The following EPHA3 variants were observed in gnomAD, a reference collection of about 807,000 sequenced individuals.
EPHA3 encodes EPH receptor A3.
Under a neutral mutation model 107.1 loss-of-function variants are expected in EPHA3, and 42 were observed. That is an observed-to-expected ratio of 0.39 (90% CI 0.31 to 0.51). The LOEUF (loss-of-function observed/expected upper bound fraction) is 0.51. Among genes scored for constraint, EPHA3 ranks in the 20% least tolerant of loss-of-function variants. The pLI is 0.78. For synonymous variants in EPHA3, 461 were observed against 424.8 expected, an observed-to-expected ratio of 1.09 and a Z score of -1.05; for missense variants, 1,183 against 1,211.2, an observed-to-expected ratio of 0.98 and a Z score of 0.35.
intron 3 of EPHA3, among the ~76,000 whole-genome samples, chr3:89,303,310 TTCTG>T (rs1217904138): frequency 6.6e-6 from 1 of 151,848 alleles, no homozygotes; most frequent in Non-Finnish European, 1.5e-5. Flanking sequence ...AATTATTATT[TTCTG>T]TCTATTGTTC....
intron 5 of EPHA3, among the ~76,000 whole-genome samples, chr3:89,374,810 CAG>C (rs1293338876): frequency 6.6e-6 from 1 of 151,546 alleles, no homozygotes; most frequent in Non-Finnish European, 1.5e-5. Context: ...GAGCACATAA[CAG>C]AATAAAAAAC....
At chr3:89,128,649 T>C (rs1165448016) in intron 2 of EPHA3, among the ~76,000 whole-genome samples, 1 of 150,646 alleles carries the variant, frequency 6.6e-6, no homozygotes, top group Non-Finnish European at 1.5e-5. Context: ...TAGTATATGG[T>C]ATACTGTATA....
At chr3:89,186,111 T>C (rs1265510312) in intron 2 of EPHA3, among the ~76,000 whole-genome samples, 2 of 152,000 alleles carry the variant, frequency 1.3e-5, no homozygotes, top group Non-Finnish European at 2.9e-5. Context: ...GTCTACTGTT[T>C]GTTTCTAGAG....
At chr3:89,203,726 G>A (rs1033763625) in intron 2 of EPHA3, among the ~76,000 whole-genome samples, 1 of 152,000 alleles carries the variant, frequency 6.6e-6, no homozygotes, top group Non-Finnish European at 1.5e-5. Context: ...GCAGTGAGCC[G>A]AGATCGCGCC....
chr3:89,263,904 A>G (rs1015960441), intron 3 of EPHA3, among the ~76,000 whole-genome samples: 1 of 152,000 alleles, frequency 6.6e-6, no homozygotes, highest in Non-Finnish European at 1.5e-5. Context: ...ATTTCCAAGT[A>G]AGGTTACATT....
At chr3:89,135,604 G>T (rs1441133350) in intron 2 of EPHA3, among the ~76,000 whole-genome samples, 1 of 151,254 alleles carries the variant, frequency 6.6e-6, no homozygotes, top group African/African-American at 2.4e-5. Context: ...TCTTTTAATG[G>T]CATAAAATTA....
In EPHA3 at chr3:89,284,359, A is replaced by T. The variant is rs117442064; in HGVS notation, c.815-56557A>T. ...ACCATTTCTGGTGATGAGACTGCGGATAAACCAATCTAGAACATTCAGAAA... is the reference window on the plus strand; with the variant it reads ...ACCATTTCTGGTGATGAGACTGCGGTTAAACCAATCTAGAACATTCAGAAA... On this transcript the variant is annotated intron_variant, in intron 3 of 16. Transcript: ENST00000336596. Among the ~76,000 whole-genome samples, 4 of 152,296 alleles carry T rather than the reference A, an allele frequency of 2.6e-5. No individual in the cohort carries two copies. The East Asian group carries it at 5.8e-4, about 22-fold the overall frequency.
At chr3:89,314,206 A>G (rs534814588) in intron 3 of EPHA3, among the ~76,000 whole-genome samples, 2 of 152,020 alleles carry the variant, frequency 1.3e-5, no homozygotes, top group South Asian at 2.1e-4. Flanking sequence ...TTTAGTTGCT[A>G]TCTTCACCAT....
In EPHA3 at chr3:89,182,326, A is replaced by G. The variant is rs529329265; in HGVS notation, c.154-27534A>G. Among the ~76,000 whole-genome samples, 10 of 152,078 alleles carry G rather than the reference A, an allele frequency of 6.6e-5. No individual in the cohort carries two copies. In the South Asian group the frequency reaches 1.7e-3, roughly 25 times the overall value. On this transcript the variant is annotated intron_variant, in intron 2 of 16. Coordinates refer to ENST00000336596, the MANE Select transcript of EPHA3 (RefSeq NM_005233.6). ...GGGAATGTATAATTGCTAATGGTAT[A>G]GTCTGTACAGTACAGAAAATATGGC...
chr3:89,246,786 C>T (rs529068199), intron 3 of EPHA3, among the ~76,000 whole-genome samples: 1 of 152,270 alleles, frequency 6.6e-6, no homozygotes, highest in South Asian at 2.1e-4. Context: ...TCATTGCTAA[C>T]ATTTACATTA....
At position 89,399,396 on chromosome 3, in the gene EPHA3, A is replaced by G. The variant is rs867131534; in HGVS notation, c.1510A>G (p.Ile504Val). 5 of 1,614,010 alleles carry G rather than the reference A, an allele frequency of 3.1e-6. No individual in the cohort carries two copies. Among genetic ancestry groups the G allele is most frequent in the Admixed American group, 3.3e-5 (2 of 59,994 alleles). Reference protein sequence around the residue: ...VTISSLKPDTIYVFQIRARTA... With the variant: ...VTISSLKPDTVYVFQIRARTA... ...CATCAGTAGCCTCAAGCCTGACACT[A>G]TATACGTATTCCAAATCCGAGCCCG... Residue 504 changes from isoleucine to valine, a missense_variant, in exon 7 of 17, where the codon ATA becomes GTA. By Grantham distance (29) the Ile-to-Val change is conservative (BLOSUM62 3). Transcript: ENST00000336596.
chr3:89,341,989 A>G lies in EPHA3; in HGVS notation c.1205A>G (p.His402Arg), dbSNP rs1169851160. 3 of 1,613,374 alleles carry G rather than the reference A, an allele frequency of 1.9e-6. No homozygotes were observed. Among genetic ancestry groups the G allele is most frequent in the South Asian group, 1.1e-5 (1 of 90,962 alleles). Residue 402 changes from histidine to arginine, a missense_variant, in exon 5 of 17, where the codon CAT becomes CGT. By Grantham distance (29) the His-to-Arg change is conservative. Coordinates refer to ENST00000336596, the MANE Select transcript of EPHA3 (RefSeq NM_005233.6). ...TTVTVTDLLA[H>R]TNYTFEIDAV... is the part of the protein sequence containing the mutation. ...GTGACAGTGACAGACCTTCTGGCAC[A>G]TACTAACTACACCTTTGAGATTGAT...
At chr3:89,282,620 C>T (rs1705975534) in intron 3 of EPHA3, among the ~76,000 whole-genome samples, 2 of 151,976 alleles carry the variant, frequency 1.3e-5, no homozygotes, top group Middle Eastern at 3.4e-3. Flanking sequence ...ACCATGTTTT[C>T]CCCCGTATTT....
chr3:89,208,438 G>GAAAA (rs1706170216), intron 2 of EPHA3, among the ~76,000 whole-genome samples: 1 of 98,498 alleles, frequency 1.0e-5, no homozygotes, highest in African/African-American at 5.0e-5. Context: ...AAGAAAGAAA[G>GAAAA]AAAGAAAGAA....
At chr3:89,372,404 T>C (rs1278971245) in intron 5 of EPHA3, among the ~76,000 whole-genome samples, 1 of 151,662 alleles carries the variant, frequency 6.6e-6, no homozygotes, top group East Asian at 1.9e-4. Flanking sequence ...TTCCAAGATA[T>C]TTTTAAAAAC....
At chr3:89,220,100 T>C (rs1286989567) in intron 3 of EPHA3, among the ~76,000 whole-genome samples, 2 of 152,058 alleles carry the variant, frequency 1.3e-5, no homozygotes, top group African/African-American at 2.4e-5. Context: ...TATCCTACAA[T>C]GCACAGGGCA....
intron 3 of EPHA3, among the ~76,000 whole-genome samples, chr3:89,320,614 T>C (rs1311810859): frequency 6.6e-6 from 1 of 151,730 alleles, no homozygotes; most frequent in East Asian, 1.9e-4. Context: ...TTTTAAGCCA[T>C]GAGGCTACAT....
intron 2 of EPHA3, among the ~76,000 whole-genome samples, chr3:89,133,245 C>G (rs1024784072): frequency 6.6e-6 from 1 of 152,118 alleles, no homozygotes; most frequent in Non-Finnish European, 1.5e-5. Flanking sequence ...AAATTCAGAG[C>G]CCAATACATT....
chr3:89,233,178 C>T (rs932201771), intron 3 of EPHA3, among the ~76,000 whole-genome samples: 3 of 151,860 alleles, frequency 2.0e-5, no homozygotes, highest in South Asian at 2.1e-4. Context: ...TATATATACA[C>T]GCACATATAT....
Sources: gnomAD v4.1 joint callset for allele counts (sites outside exome capture counted in the v4.1 genomes callset) on GRCh38, gnomAD v4.1.1 for gene constraint, MANE v1.5 for transcripts, NCBI Gene and HGNC (gene_info 2026-07-23, HGNC 2026-07-21) for gene names.